PDE4B: variants seen among roughly 807,000 people sequenced by gnomAD.
PDE4B encodes phosphodiesterase 4B, also known as 3',5'-cyclic-AMP phosphodiesterase 4B.
Under a neutral mutation model 82.2 loss-of-function variants are expected in PDE4B, and 20 were observed. That is an observed-to-expected ratio of 0.24 (90% CI 0.17 to 0.35). PDE4B has a LOEUF of 0.35. PDE4B is among the 10% of genes least tolerant of loss of function. The pLI, the probability that PDE4B is intolerant of heterozygous loss-of-function variation, is 1.00. For missense variants in PDE4B, 655 were observed against 907.2 expected (o/e 0.72, Z 3.57); for synonymous variants, 320 against 318.9 (o/e 1.00, Z -0.04).
chr1:65,913,970 T>C (rs1647126944), intron 2 of PDE4B, among the ~76,000 whole-genome samples: 1 of 152,200 alleles, frequency 6.6e-6, no homozygotes, highest in African/African-American at 2.4e-5. Context: ...TCTGAAGAAA[T>C]CTGTAAACTA....
At chr1:66,334,341 T>C (rs957180446) in intron 8 of PDE4B, among the ~76,000 whole-genome samples, 3 of 152,210 alleles carry the variant, frequency 2.0e-5, no homozygotes, top group African/African-American at 7.2e-5. Context: ...CAATATGCTG[T>C]AGTATTCTAA....
rs898475832 is a variant in PDE4B at position 66,120,259 on chromosome 1, C to G, written c.282-127201C>G. ...GAAGTTTGATAAGCTGGTTCTGCAG[C>G]TGTGCCTCTCTTCCCACTTCGTCTT... On this transcript the variant is annotated intron_variant, in intron 3 of 16. Transcript: ENST00000341517. Among the ~76,000 whole-genome samples the G allele has an allele frequency of 3.3e-5, 5 of 152,294 alleles. No homozygotes were observed. In the South Asian group the frequency reaches 8.3e-4, roughly 25 times the overall value.
intron 1 of PDE4B, among the ~76,000 whole-genome samples, chr1:65,890,689 G>C (rs1646843583): frequency 6.6e-6 from 1 of 152,100 alleles, no homozygotes; most frequent in African/African-American, 2.4e-5. Context: ...AAAGAATTTG[G>C]ATACATGGAG....
In PDE4B at chr1:66,367,782, C is replaced by T; in HGVS notation, c.1471C>T (p.His491Tyr). ...GGGTTTCAAACTGCTGCAAGAAGAACACTGTGACATCTTCATGAATCTCAC... is the reference window on the plus strand; with the variant it reads ...GGGTTTCAAACTGCTGCAAGAAGAATACTGTGACATCTTCATGAATCTCAC... ...AVGFKLLQEE[H>Y]CDIFMNLTKK... The change falls in exon 14 of 17, where the codon CAC (histidine) becomes TAC (tyrosine). Residue 491 changes from histidine to tyrosine, a missense_variant. By Grantham distance (83) the His-to-Tyr change is moderately conservative. Around this residue, in one of 3 missense-constraint regions of PDE4B, gnomAD observed 283 missense variants for 516.4 expected, o/e 0.55. Coordinates refer to ENST00000341517, the MANE Select transcript of PDE4B (RefSeq NM_002600.4). 6.2e-7 allele frequency: 1 copy of T among 1,613,782 alleles called. No homozygotes were observed. Among genetic ancestry groups the T allele is most frequent in the Non-Finnish European group, 8.5e-7 (1 of 1,179,780 alleles).
rs189179665 is a variant in PDE4B at position 66,307,989 on chromosome 1, T to C, written c.635-24519T>C. Among the ~76,000 whole-genome samples, 3 of 152,202 alleles carry C rather than the reference T, an allele frequency of 2.0e-5. No individual in the cohort carries two copies. The East Asian group carries it at 5.8e-4, about 29-fold the overall frequency. ...CATTATTTTTTTATCCTTGTGATAA[T>C]AGGAAAAATTAGATAAATCATAAAC... On this transcript the variant is annotated intron_variant, in intron 7 of 16. Transcript: ENST00000341517.
In PDE4B at chr1:66,260,016, C is replaced by T. The variant is rs1654565782; in HGVS notation, c.584+2153C>T. Among the ~76,000 whole-genome samples the T allele has an allele frequency of 2.6e-5, 4 of 152,280 alleles. No individual in the cohort carries two copies. The South Asian group carries it at 8.3e-4, about 32-fold the overall frequency. The stretch of plus-strand genomic sequence containing the variant: ...ATTGATATTTGCAAAGCACTTAAAA[C>T]AGCATCTTGCACAAAGTAGGTGCTC... On this transcript the variant is annotated intron_variant, in intron 6 of 16. Coordinates refer to ENST00000341517, the MANE Select transcript of PDE4B (RefSeq NM_002600.4).
In PDE4B at chr1:66,372,552, G is replaced by A. The variant is rs747493281; in HGVS notation, c.2085G>A (p.Glu695=). ...AAGATTCTGAAGGACCTGAGAAGGA[G>A]GGAGAGGGACACAGCTATTTCAGCA... ...DEEDSEGPEK[E]GEGHSYFSST... is the part of the protein sequence containing the mutation. The change falls in exon 17 of 17, where the codon GAG becomes GAA. Residue 695 remains glutamate (E), a synonymous_variant. Coordinates refer to ENST00000341517, the MANE Select transcript of PDE4B (RefSeq NM_002600.4). The A allele has an allele frequency of 3.7e-6, 6 of 1,614,052 alleles. No individual in the cohort carries two copies. Among genetic ancestry groups the A allele is most frequent in the Non-Finnish European group, 5.1e-6 (6 of 1,180,014 alleles).
chr1:66,334,521 G>A (rs562101307), intron 8 of PDE4B, among the ~76,000 whole-genome samples: 1 of 152,310 alleles, frequency 6.6e-6, no homozygotes, highest in South Asian at 2.1e-4. Flanking sequence ...GGTGTTGTGT[G>A]CAGGAAGCAA....
At chr1:66,314,688 T>C (rs10889607) in intron 7 of PDE4B, among the ~76,000 whole-genome samples, 94,949 of 152,080 alleles carry the variant, frequency 0.62, 29,884 homozygotes, top group East Asian at 0.83. Flanking sequence ...GCTGGGATTG[T>C]AGGCTTGAGC....
At chr1:66,224,814 A>G (rs1394828832) in intron 3 of PDE4B, among the ~76,000 whole-genome samples, 1 of 152,220 alleles carries the variant, frequency 6.6e-6, no homozygotes, top group Non-Finnish European at 1.5e-5. Flanking sequence ...TTACTCTGCA[A>G]TTTTATTGCA....
intron 7 of PDE4B, among the ~76,000 whole-genome samples, chr1:66,272,779 C>CTTTTTTTTT (rs869201227): frequency 1.6e-5 from 1 of 61,668 alleles, no homozygotes; most frequent in African/African-American, 7.0e-5. Context: ...TACTAGAATT[C>CTTTTTTTTT]TTTTTTTTTT....
chr1:66,038,142 G>A (rs960716419), intron 3 of PDE4B, among the ~76,000 whole-genome samples: 2 of 152,068 alleles, frequency 1.3e-5, no homozygotes, highest in Non-Finnish European at 1.5e-5. Context: ...TGTGCAGGGG[G>A]TAGGATTCAT....
At chr1:66,203,230 TG>T (rs1205170842) in intron 3 of PDE4B, among the ~76,000 whole-genome samples, 1 of 152,202 alleles carries the variant, frequency 6.6e-6, no homozygotes, top group African/African-American at 2.4e-5. Context: ...GTTACTCTGA[TG>T]GGCTTCCCTT....
In PDE4B at chr1:66,247,599, G is replaced by T; in HGVS notation, c.421G>T (p.Asp141Tyr). 1 of 1,606,756 alleles carries T rather than the reference G, an allele frequency of 6.2e-7. No homozygotes were observed. The highest frequency in any genetic ancestry group is 8.5e-7 in the Non-Finnish European group (1 of 1,176,486). The change falls in exon 4 of 17, where the codon GAC becomes TAC. Residue 141 changes from aspartate (D) to tyrosine (Y), a missense_variant. By Grantham distance (160) the Asp-to-Tyr change is radical. Transcript: ENST00000341517. ...RESFLYRSDS[D>Y]YDLSPKAMSR... is the part of the protein sequence containing the mutation. ...GTCATTTCTCTACAGATCAGACAGC[G>T]ACTATGACTTGTCACCAAAGGCGAT... is the stretch of plus-strand genomic sequence containing the variant.
intron 3 of PDE4B, among the ~76,000 whole-genome samples, chr1:65,957,570 T>G (rs1649325019): frequency 6.6e-6 from 1 of 152,166 alleles, no homozygotes; most frequent in African/African-American, 2.4e-5. Flanking sequence ...TGGTTAAATT[T>G]TATGAAAACC....
rs890422725 is a variant in PDE4B, at chr1:66,330,690, G to A, written c.635-1818G>A. The A allele has an allele frequency of 3.9e-6, 3 of 779,170 alleles. No individual in the cohort carries two copies. The African/African-American group carries it at 5.6e-5, about 15-fold the overall frequency. The allele number at this position is 779,170 out of a possible 1,614,324, so 48.3% of individuals were successfully genotyped here. On this transcript the variant is annotated intron_variant, in intron 7 of 16. Coordinates refer to ENST00000341517, the MANE Select transcript of PDE4B (RefSeq NM_002600.4). ...CAGGGAATGAGAATGGGAGGGTTCT[G>A]TCTCTTCAGAAAAGGCTTCCTTGGA...
chr1:66,090,844 C>CT (rs968764880), intron 3 of PDE4B, among the ~76,000 whole-genome samples: 2 of 151,600 alleles, frequency 1.3e-5, no homozygotes, highest in Non-Finnish European at 2.9e-5. Flanking sequence ...GCAAGGACTT[C>CT]TTTTACGCTG....
intron 7 of PDE4B, among the ~76,000 whole-genome samples, chr1:66,286,739 G>A (rs1455298181): frequency 1.3e-5 from 2 of 152,166 alleles, no homozygotes; most frequent in African/African-American, 4.8e-5. Context: ...GTAGCAAGTG[G>A]ATGGGGTCGT....
At chr1:66,297,841 A>G (rs1374940227) in intron 7 of PDE4B, among the ~76,000 whole-genome samples, 2 of 152,158 alleles carry the variant, frequency 1.3e-5, no homozygotes, top group African/African-American at 4.8e-5. Flanking sequence ...GGTGTAATTC[A>G]TCATGGTGTA....
Sources: gnomAD v4.1 joint callset for allele counts (sites outside exome capture counted in the v4.1 genomes callset) on GRCh38, gnomAD v4.1.1 for gene constraint, gnomAD v4.1.1 regional missense constraint, MANE v1.5 for transcripts, NCBI Gene and HGNC (gene_info 2026-07-23, HGNC 2026-07-21) for gene names.